DUOX1: variants seen among roughly 807,000 people sequenced by gnomAD.
DUOX1 encodes dual oxidase 1, also known as NADPH thyroid oxidase 1.
In DUOX1, 134 loss-of-function variants were observed where a neutral mutation model predicts 181.8. The observed-to-expected ratio is 0.74, with a 90% CI of 0.64 to 0.85. The LOEUF (loss-of-function observed/expected upper bound fraction) is 0.85. Ranked by LOEUF, DUOX1 falls within the 40% of genes least tolerant of loss-of-function variation. DUOX1 has a pLI of 0.00. For missense variants in DUOX1, 1,814 were observed against 2,064.4 expected (o/e 0.88, Z 2.35); for synonymous variants, 798 against 832.5 (o/e 0.96, Z 0.71).
intron 21 of DUOX1, among the ~76,000 whole-genome samples, chr15:45,148,864 C>G (rs1896732512): frequency 6.6e-6 from 1 of 151,832 alleles, no homozygotes; most frequent in Admixed American, 6.6e-5. Context: ...CAGCCCTACC[C>G]AGGCCATACT....
rs1896295134 is a variant in DUOX1, at chr15:45,135,778, G to A, written c.698-4G>A. On this transcript the variant is annotated splice_region_variant and splice_polypyrimidine_tract_variant and intron_variant, in intron 6 of 33. Transcript: ENST00000389037. Reference sequence around the variant, plus strand: ...CCTCCCCTGCGCCCCCACGTCGGATGCAGCCTTCGGGGCAGAGAGAGGGAA... The same window carrying A: ...CCTCCCCTGCGCCCCCACGTCGGATACAGCCTTCGGGGCAGAGAGAGGGAA... 3 of 1,438,616 alleles carry A rather than the reference G, an allele frequency of 2.1e-6. No homozygotes were observed. The highest frequency in any genetic ancestry group is 2.8e-6 in the Non-Finnish European group (3 of 1,084,626). 89.1% of individuals were successfully genotyped at this position (1,438,616 alleles called of 1,614,324 possible). A position where few individuals can be genotyped will look rare whatever the true frequency, so the allele number is the denominator to read the frequency against.
Position 45,153,950 on chromosome 15 carries a change from G to A in DUOX1, c.3525-1G>A. 6.2e-7 allele frequency: 1 copy of A among 1,612,750 alleles called. No homozygotes were observed. Among genetic ancestry groups the A allele is most frequent in the Non-Finnish European group, 8.5e-7 (1 of 1,178,880 alleles). ...GTCTCTTTGCTGTCCCTTCCACACA[G>A]GTCTGAGCTCCCCCAGAAGTATTAC... On this transcript the variant is annotated splice_acceptor_variant, in intron 26 of 33. Coordinates refer to ENST00000389037, the MANE Select transcript of DUOX1 (RefSeq NM_175940.3). LOFTEE classifies it high-confidence loss of function.
chr15:45,152,561 C>T (rs1490150579), intron 25 of DUOX1, 45 bp downstream of exon 25: 1 of 1,534,986 alleles, frequency 6.5e-7, no homozygotes, highest in Non-Finnish European at 9.0e-7. Flanking sequence ...GCCTCCCGCC[C>T]CCGCTGACTT....
chr15:45,163,592 C>T lies in DUOX1; in HGVS notation c.4309C>T (p.Arg1437Ter), dbSNP rs776076197. The change falls in exon 32 of 34, where the codon CGA (arginine) becomes TGA (stop). Residue 1437 changes from arginine to a stop codon, truncating the protein, a stop_gained. Coordinates refer to ENST00000389037, the MANE Select transcript of DUOX1 (RefSeq NM_175940.3). LOFTEE classifies it high-confidence loss of function. ...GTTTGAGTGGCTGGCTGACATCATC[C>T]GAGAGGTGGAGGAGAATGACCACCA... is the stretch of plus-strand genomic sequence containing the variant. ...RQFEWLADII[R>*]EVEENDHQDL... 8 of 1,614,014 alleles carry T rather than the reference C, an allele frequency of 5.0e-6. No homozygotes were observed. The Admixed American group carries it at 6.7e-5, about 13-fold the overall frequency.
chr15:45,161,796 G>T lies in DUOX1; in HGVS notation c.3915G>T (p.Trp1305Cys). 1 of 1,613,974 alleles carries T rather than the reference G, an allele frequency of 6.2e-7. No individual in the cohort carries two copies. Among genetic ancestry groups the T allele is most frequent in the Non-Finnish European group, 8.5e-7 (1 of 1,180,000 alleles). ...PQGFEYKSGQ[W>C]VRIACLALGT... ...GCTTTGAGTACAAGTCAGGGCAGTG[G>T]GTGCGGATCGCTTGCCTGGCTCTGG... Residue 1305 changes from tryptophan (W) to cysteine (C), a missense_variant, in exon 30 of 34, where the codon TGG (tryptophan) becomes TGT (cysteine). This residue lies in a region of DUOX1 where 279 missense variants were observed against 381.9 expected (regional missense o/e 0.73). Coordinates refer to ENST00000389037, the MANE Select transcript of DUOX1 (RefSeq NM_175940.3).
intron 15 of DUOX1, among the ~76,000 whole-genome samples, chr15:45,142,380 C>A (rs1896521441): frequency 6.6e-6 from 1 of 152,184 alleles, no homozygotes; most frequent in Non-Finnish European, 1.5e-5. Flanking sequence ...TAATCCACAG[C>A]TTTTTGCAGG....
intron 2 of DUOX1, 31 bp from the exon 3 acceptor site, chr15:45,133,833 C>A (rs1330984727): frequency 1.9e-6 from 3 of 1,603,638 alleles, no homozygotes; most frequent in African/African-American, 1.3e-5. Context: ...ACTGACTTGC[C>A]CAGCTGCCCC....
At position 45,152,521 on chromosome 15, in the gene DUOX1, G is replaced by A; in HGVS notation, c.3424+5G>A. The stretch of plus-strand genomic sequence containing the variant: ...CCACCGCCATCGTCCTCACAGGCAG[G>A]GCCTGGGTGTCCCTGGGAGGCTCTC... On this transcript the variant is annotated splice_donor_5th_base_variant and intron_variant, in intron 25 of 33. Transcript: ENST00000389037. 1 of 1,613,564 alleles carries A rather than the reference G, an allele frequency of 6.2e-7. No homozygotes were observed. Among genetic ancestry groups the A allele is most frequent in the Non-Finnish European group, 8.5e-7 (1 of 1,179,766 alleles).
In DUOX1 at chr15:45,165,534, T is replaced by G. The variant is rs551239515; in HGVS notation, c.*633T>G. The stretch of plus-strand genomic sequence containing the variant: ...CAATGCTCCTCAGCCCTCTTCTCCC[T>G]GCTCCAGTAGTCTCCCTTCCAAATA... On this transcript the variant is annotated 3_prime_UTR_variant, in exon 34 of 34. Coordinates refer to ENST00000389037, the MANE Select transcript of DUOX1 (RefSeq NM_175940.3). 6.6e-6 allele frequency: 1 copy of G among 152,656 alleles called. No homozygotes were observed. Among genetic ancestry groups the G allele is most frequent in the Non-Finnish European group, 1.5e-5 (1 of 68,280 alleles). The allele number at this position is 152,656 out of a possible 1,614,324, so 9.5% of individuals were successfully genotyped here.
intron 25 of DUOX1, chr15:45,153,096 C>T (rs1023983718): frequency 2.6e-5 from 10 of 388,722 alleles, no homozygotes; most frequent in Admixed American, 7.7e-5. Flanking sequence ...TGGCACATGC[C>T]GGTAATCCCA....
chr15:45,147,717 G>A, intron 19 of DUOX1, 59 bp downstream of exon 19: 2 of 1,603,524 alleles, frequency 1.2e-6, no homozygotes, highest in Non-Finnish European at 1.7e-6. Context: ...TGGAGATGGG[G>A]AAGCCCTGGG....
intron 14 of DUOX1, 72 bp from the exon 15 acceptor site, chr15:45,141,903 A>T: frequency 6.5e-7 from 1 of 1,537,784 alleles, no homozygotes; most frequent in Non-Finnish European, 8.8e-7. Flanking sequence ...CTGCCACCCT[A>T]ACCTCCTCCG....
intron 28 of DUOX1, 45 bp downstream of exon 28, chr15:45,155,974 G>C: frequency 6.2e-7 from 1 of 1,609,628 alleles, no homozygotes; most frequent in Non-Finnish European, 8.5e-7. Context: ...GTATGGGCAG[G>C]ACATTTCCAG....
intron 1 of DUOX1, among the ~76,000 whole-genome samples, 179 bp downstream of exon 1, chr15:45,130,277 C>T (rs1475532382): frequency 6.6e-6 from 1 of 152,218 alleles, no homozygotes; most frequent in African/African-American, 2.4e-5. Context: ...AGGGCCTGTC[C>T]TCTGCCCAAT....
At position 45,147,585 on chromosome 15, in the gene DUOX1, T is replaced by C; in HGVS notation, c.2475T>C (p.Ser825=). The part of the protein sequence containing the change: ...PQDMFVESMF[S]LADKDGNGYL... ...ACATGTTTGTGGAGTCCATGTTCTC[T>C]CTGGCTGACAAGGATGGCAATGGCT... Residue 825 remains serine (S), a synonymous_variant, in exon 19 of 34, where the codon TCT becomes TCC. Coordinates refer to ENST00000389037, the MANE Select transcript of DUOX1 (RefSeq NM_175940.3). 1 of 1,614,162 alleles carries C rather than the reference T, an allele frequency of 6.2e-7. No homozygotes were observed. Among genetic ancestry groups the C allele is most frequent in the Non-Finnish European group, 8.5e-7 (1 of 1,180,006 alleles).
intron 16 of DUOX1, among the ~76,000 whole-genome samples, 193 bp downstream of exon 16, chr15:45,143,496 G>A (rs912349523): frequency 9.9e-5 from 15 of 152,132 alleles, no homozygotes; most frequent in African/African-American, 3.4e-4. Flanking sequence ...GCAGTCATTG[G>A]ACCTTGCCTT....
rs752144125 is a variant in DUOX1 at position 45,164,836 on chromosome 15, A to C, written c.4591A>C (p.Lys1531Gln). The C allele has an allele frequency of 6.2e-7, 1 of 1,614,140 alleles. No homozygotes were observed. The highest frequency in any genetic ancestry group is 2.2e-5 in the East Asian group (1 of 44,884). ...GPPGMTKNVE[K>Q]ACQLINRQDR... is the part of the protein sequence containing the mutation. ...CCCTGGCATGACCAAGAATGTGGAAAAGGCCTGTCAGCTCATCAACAGGCA... is the reference window on the plus strand; with the variant it reads ...CCCTGGCATGACCAAGAATGTGGAACAGGCCTGTCAGCTCATCAACAGGCA... Residue 1531 changes from lysine to glutamine, a missense_variant, in exon 34 of 34, where the codon AAG becomes CAG. Physicochemically the swap from Lys to Gln is moderately conservative, Grantham distance 53 (BLOSUM62 1). This residue lies in a region of DUOX1 where 124 missense variants were observed against 125.7 expected (regional missense o/e 0.99). Coordinates refer to ENST00000389037, the MANE Select transcript of DUOX1 (RefSeq NM_175940.3).
At chr15:45,141,751 C>CGTGTGT (rs5812287) in intron 14 of DUOX1, among the ~76,000 whole-genome samples, 203 of 148,694 alleles carry the variant, frequency 1.4e-3, no homozygotes, top group Middle Eastern at 6.9e-3. Context: ...GTGAGGGAAG[C>CGTGTGT]GTGTGTGTGT....
chr15:45,153,563 C>A, intron 26 of DUOX1, 84 bp downstream of exon 26: 1 of 1,300,460 alleles, frequency 7.7e-7, no homozygotes, highest in South Asian at 1.2e-5. Flanking sequence ...GGGGAGGATT[C>A]CTTTTGGGTG....
Sources: allele counts gnomAD v4.1 joint callset (sites outside exome capture counted in the v4.1 genomes callset), GRCh38; gene constraint gnomAD v4.1.1; regional missense constraint gnomAD v4.1.1; transcripts MANE v1.5; gene names NCBI Gene and HGNC (gene_info 2026-07-23, HGNC 2026-07-21).